Variants in GPRC5D observed in about 807,000 individuals in gnomAD.
The protein encoded by GPRC5D is G protein-coupled receptor family C group 5 member D.
A neutral mutation model predicts 29.3 loss-of-function variants in GPRC5D; 20 were observed. That is an observed-to-expected ratio of 0.68 (90% confidence interval 0.48 to 0.99). The LOEUF (loss-of-function observed/expected upper bound fraction) is 0.99. Ranked by LOEUF, GPRC5D falls within the 50% of genes least tolerant of loss-of-function variation. GPRC5D has a pLI of 0.00. For missense variants in GPRC5D, 384 were observed against 423.6 expected (o/e 0.91, Z 0.82); for synonymous variants, 178 against 171.3 (o/e 1.04, Z -0.30).
At chr12:12,950,232 G>A (rs1178077764) in exon 1 of GPRC5D, 1 of 1,614,054 alleles carries the variant, frequency 6.2e-7, no homozygotes, top group Admixed American at 1.7e-5. Flanking sequence ...TGCAGTCTTG[G>A]ATCTTTCGCA....
At chr12:12,944,863 TTC>T (rs1288045204) in intron 1 of GPRC5D, among the ~76,000 whole-genome samples, 2 of 98,466 alleles carry the variant, frequency 2.0e-5, no homozygotes, top group African/African-American at 7.0e-5. Context: ...CTTTCTTTCT[TTC>T]TTTCTTTCTT....
chr12:12,944,821 C>CT (rs1863244304), intron 1 of GPRC5D, among the ~76,000 whole-genome samples: 6 of 13,432 alleles, frequency 4.5e-4, no homozygotes, highest in Admixed American at 3.1e-3. Flanking sequence ...TTCCTTCCTT[C>CT]CTTCCTTCCT....
At chr12:12,942,376 C>G (rs368264783) in intron 1 of GPRC5D, 48 bp from the exon 3 acceptor site, 8 of 1,181,772 alleles carry the variant, frequency 6.8e-6, no homozygotes, top group Middle Eastern at 1.9e-4. Context: ...GAGAGTCAAT[C>G]GGAAACAGCA....
chr12:12,944,846 CTTCCTTCTTTCTTTCTTTCT>C lies in GPRC5D; in HGVS notation c.896-2538_896-2519del, dbSNP rs1299131989. ...CCTTCCTTCCTTCCTTCCTTCCTTC[CTTCCTTCTTTCTTTCTTTCT>C]TTCTTTCTTTCTTTCTTTCTTTCTT... On this transcript the variant is annotated intron_variant, in intron 1 of 2. Coordinates refer to ENST00000228887, the Ensembl canonical transcript of GPRC5D. 1.1e-3 allele frequency among the ~76,000 whole-genome samples: 33 copies of C among 31,232 alleles called. 1 individual carries two copies. Among genetic ancestry groups the C allele is most frequent in the South Asian group, 7.3e-3 (4 of 550 alleles). 20.5% of individuals were successfully genotyped at this position (31,232 alleles called of 152,430 possible).
chr12:12,951,988 A>G (rs1462324904), upstream of GPRC5D: 2 of 152,150 alleles, frequency 1.3e-5, no homozygotes, highest in African/African-American at 4.8e-5. Context: ...ATTTGAAAAA[A>G]AAAAATCAAT....
chr12:12,944,103 C>G (rs903355132), intron 1 of GPRC5D, among the ~76,000 whole-genome samples: 1 of 152,122 alleles, frequency 6.6e-6, no homozygotes, highest in Non-Finnish European at 1.5e-5. Context: ...CCCAATTATG[C>G]TCTCACTCCC....
At chr12:12,950,392 T>TA, upstream of GPRC5D, 1 of 1,587,580 alleles carries the variant, frequency 6.3e-7, no homozygotes, top group Non-Finnish European at 8.6e-7. Flanking sequence ...CATGGTGACT[T>TA]ATGGGTGTGG....
At chr12:12,951,423 G>A (rs1480898703), upstream of GPRC5D, among the ~76,000 whole-genome samples, 1 of 152,198 alleles carries the variant, frequency 6.6e-6, no homozygotes, top group Non-Finnish European at 1.5e-5. Flanking sequence ...GATGGGAAAT[G>A]CCATCACACA....
intron 1 of GPRC5D, 35 bp from the exon 3 acceptor site, chr12:12,942,363 T>C (rs1454795160): frequency 2.8e-6 from 4 of 1,411,336 alleles, no homozygotes; most frequent in Non-Finnish European, 3.0e-6. Context: ...TGGGTTAGTG[T>C]CCGAGAGTCA....
chr12:12,946,384 CTCTT>C (rs1280262138), intron 1 of GPRC5D, among the ~76,000 whole-genome samples: 10 of 123,906 alleles, frequency 8.1e-5, no homozygotes, highest in African/African-American at 1.5e-4. Context: ...CTTTCTTTCT[CTCTT>C]TCTCTCTCTC....
intron 1 of GPRC5D, among the ~76,000 whole-genome samples, chr12:12,945,544 A>ATTT (rs1863293123): frequency 6.6e-6 from 1 of 152,182 alleles, no homozygotes; most frequent in South Asian, 2.1e-4. Context: ...TTATTCAGGA[A>ATTT]GAGAAATATT....
chr12:12,948,885 T>G (rs536853270), intron 1 of GPRC5D, among the ~76,000 whole-genome samples: 71 of 152,310 alleles, frequency 4.7e-4, no homozygotes, highest in Middle Eastern at 6.8e-3. Context: ...TACTCAGAAT[T>G]AGGATATAAT....
chr12:12,946,331 TTC>T (rs1323415801), intron 1 of GPRC5D, among the ~76,000 whole-genome samples: 3 of 149,304 alleles, frequency 2.0e-5, no homozygotes, highest in African/African-American at 7.5e-5. Flanking sequence ...CTTTCTTTCT[TTC>T]TTTCTTTCTT....
At chr12:12,950,152 A>G in exon 1 of GPRC5D, 1 of 1,614,186 alleles carries the variant, frequency 6.2e-7, no homozygotes, top group Non-Finnish European at 8.5e-7. Flanking sequence ...GATGAAGGCA[A>G]AAGCGAGTCC....
rs76933056 is a variant in GPRC5D at position 12,949,801 on chromosome 12, G to T, written c.584C>A (p.Pro195Gln). 3.7e-6 allele frequency: 6 copies of T among 1,613,918 alleles called. No individual in the cohort carries two copies. In the African/African-American group the frequency reaches 8.0e-5, roughly 22 times the overall value. ...TCCATGCTGCTTCCAGTTCTCACAC[G>T]GGCCACAGAAGGTGGCTTTGGAGAC... The change falls in exon 1 of 3, where the codon CCG becomes CAG. Residue 195 changes from proline (P) to glutamine (Q), a missense_variant. Pro to Gln is a moderately conservative substitution (Grantham distance 76). Coordinates refer to ENST00000228887, the Ensembl canonical transcript of GPRC5D.
chr12:12,943,662 T>C (rs1342658229), intron 1 of GPRC5D, among the ~76,000 whole-genome samples: 2 of 152,212 alleles, frequency 1.3e-5, no homozygotes, highest in Non-Finnish European at 2.9e-5. Flanking sequence ...GATGCTGTGA[T>C]ACATGAAATG....
chr12:12,942,430 T>G, intron 1 of GPRC5D, 102 bp from the exon 3 acceptor site: 1 of 762,056 alleles, frequency 1.3e-6, no homozygotes. Flanking sequence ...AACAGGCTCT[T>G]CACTCTTTAA....
At chr12:12,948,740 C>T (rs1386271074) in intron 1 of GPRC5D, among the ~76,000 whole-genome samples, 1 of 152,124 alleles carries the variant, frequency 6.6e-6, no homozygotes, top group Non-Finnish European at 1.5e-5. Context: ...ATCCTTGTTG[C>T]CATGGATAAT....
Position 12,946,435 on chromosome 12 carries a change from TTTCTC to T in GPRC5D, c.895+3050_895+3054del, listed in dbSNP as rs1280595548. 1.3e-4 allele frequency among the ~76,000 whole-genome samples: 6 copies of T among 47,856 alleles called. No individual in the cohort carries two copies. In the East Asian group the frequency reaches 2.0e-3, roughly 16 times the overall value. 31.4% of individuals were successfully genotyped at this position (47,856 alleles called of 152,430 possible). On this transcript the variant is annotated intron_variant, in intron 1 of 2. Transcript: ENST00000228887. ...CTCTTTCTCTCTCTCTCTTTCTCTC[TTTCTC>T]TCTCTCTCTCTCTCTTTCTCTCTTT... is the stretch of plus-strand genomic sequence containing the variant.
Sources: gnomAD v4.1 joint callset for allele counts (sites outside exome capture counted in the v4.1 genomes callset) on GRCh38, gnomAD v4.1.1 for gene constraint, MANE v1.5 for transcripts, NCBI Gene and HGNC (gene_info 2026-07-23, HGNC 2026-07-21) for gene names.